ZNF658: variants seen among roughly 807,000 people sequenced by gnomAD.
ZNF658 encodes the protein zinc finger protein 658.
ZNF658 carries 46 observed loss-of-function variants against 78.0 expected under a neutral mutation model. The ratio of observed to expected loss-of-function variants is 0.59; its 90% CI spans 0.47 to 0.75. The LOEUF (loss-of-function observed/expected upper bound fraction) is 0.75. Ranked by LOEUF, ZNF658 falls within the 30% of genes least tolerant of loss-of-function variation. ZNF658 has a pLI of 0.00. For synonymous variants in ZNF658, 279 were observed against 408.4 expected, an observed-to-expected ratio of 0.68 and a Z score of 3.82; for missense variants, 785 against 1,189.3, an observed-to-expected ratio of 0.66 and a Z score of 5.00.
chr9:66,930,006 A>T, intron 6 of ZNF658, among the ~76,000 whole-genome samples: 1 of 116,666 alleles, frequency 8.6e-6, no homozygotes, highest in Non-Finnish European at 1.8e-5. Context: ...CTGGTCTTGA[A>T]CTCCTGACGA....
At chr9:66,922,414 A>G (rs1364786190), downstream of ZNF658, among the ~76,000 whole-genome samples, 4 of 149,166 alleles carry the variant, frequency 2.7e-5, no homozygotes, top group Non-Finnish European at 5.9e-5. Flanking sequence ...GAAATCACTC[A>G]TCTTCTGCGT....
At chr9:66,903,686 C>T (rs1822006154) in intron 2 of ZNF658, 110 bp downstream of exon 2, 1 of 800,700 alleles carries the variant, frequency 1.2e-6, no homozygotes, top group Non-Finnish European at 2.3e-6. Flanking sequence ...AGACACATTC[C>T]TAGAAGATGT....
chr9:66,907,490 C>T (rs557436648), intron 2 of ZNF658, among the ~76,000 whole-genome samples: 50 of 152,038 alleles, frequency 3.3e-4, no homozygotes, highest in South Asian at 1.0e-3. Context: ...GCCCTTGGAC[C>T]AATGCTTCCC....
At chr9:66,924,784 T>A (rs1413977910), downstream of ZNF658, among the ~76,000 whole-genome samples, 1 of 141,082 alleles carries the variant, frequency 7.1e-6, no homozygotes, top group Non-Finnish European at 1.5e-5. Context: ...CTAGCCAGAT[T>A]AATCAGGCAT....
Position 66,920,794 on chromosome 9 carries a change from A to T in ZNF658, c.*48A>T, listed in dbSNP as rs200228060. The T allele has an allele frequency of 0.027, 17,470 of 653,804 alleles. 660 individuals are homozygous for T. Among genetic ancestry groups the T allele is most frequent in the East Asian group, 0.23 (8,625 of 37,602 alleles). The allele number at this position is 653,804 out of a possible 1,614,324, so 40.5% of individuals were successfully genotyped here. A position where few individuals can be genotyped will look rare whatever the true frequency, so the allele number is the denominator to read the frequency against. On this transcript the variant is annotated 3_prime_UTR_variant, in exon 5 of 5. Coordinates refer to ENST00000621410, the MANE Select transcript of ZNF658 (RefSeq NM_033160.7). Reference sequence around the variant, plus strand: ...AACACGTAGTGCAGAAACTCATGTGACATAGGCTGGGAACTTGTTTCCCTT... The same window carrying T: ...AACACGTAGTGCAGAAACTCATGTGTCATAGGCTGGGAACTTGTTTCCCTT...
Position 66,919,724 on chromosome 9 carries a change from G to C in ZNF658, c.2158G>C (p.Glu720Gln), listed in dbSNP as rs750172950. Residue 720 changes from glutamate to glutamine, a missense_variant, in exon 5 of 5, where the codon GAG becomes CAG. Transcript: ENST00000621410. ...GAAACCCTATGAATGTAATGAATGT[G>C]AGAAAACATTTGCCCATAATTCAGC... Reference protein sequence around the residue: ...GEKPYECNECEKTFAHNSALR... With the variant: ...GEKPYECNECQKTFAHNSALR... 29 of 1,612,940 alleles carry C rather than the reference G, an allele frequency of 1.8e-5. No homozygotes were observed. The South Asian group carries it at 3.2e-4, about 18-fold the overall frequency.
intron 6 of ZNF658, chr9:66,931,917 A>C (rs894178765): frequency 6.6e-6 from 1 of 151,770 alleles, no homozygotes; most frequent in African/African-American, 2.4e-5. Flanking sequence ...GCTTGTTTAC[A>C]AAATCACTTA....
chr9:66,902,892 T>C (rs2117933604), intron 1 of ZNF658: 1 of 151,998 alleles, frequency 6.6e-6, no homozygotes, highest in South Asian at 2.1e-4. Flanking sequence ...TTATTTTTTA[T>C]TTTTTTCTAT....
intron 4 of ZNF658, among the ~76,000 whole-genome samples, chr9:66,914,053 A>T (rs1347861272): frequency 6.7e-6 from 1 of 150,364 alleles, no homozygotes; most frequent in African/African-American, 2.5e-5. Flanking sequence ...GAGGTTCATA[A>T]TCTTTACAAA....
intron 3 of ZNF658, 70 bp from the exon 4 acceptor site, chr9:66,908,569 C>T (rs1822135807): frequency 6.6e-7 from 1 of 1,526,140 alleles, no homozygotes; most frequent in Non-Finnish European, 8.8e-7. Flanking sequence ...GCTTTGCTGC[C>T]ATATCTTTTT....
chr9:66,925,801 G>A (rs1363670907), downstream of ZNF658, among the ~76,000 whole-genome samples: 1 of 151,406 alleles, frequency 6.6e-6, no homozygotes, highest in African/African-American at 2.4e-5. Flanking sequence ...GAAAACTACA[G>A]GTCTATGTCC....
chr9:66,922,472 T>G (rs1225700541), downstream of ZNF658, among the ~76,000 whole-genome samples: 2 of 131,730 alleles, frequency 1.5e-5, no homozygotes, highest in Admixed American at 1.6e-4. Flanking sequence ...TTTGGCCATC[T>G]TGGAACCTCC....
rs143209035 is a variant in ZNF658, at chr9:66,919,697, G to A, written c.2131G>A (p.Glu711Lys). 4 of 1,612,888 alleles carry A rather than the reference G, an allele frequency of 2.5e-6. No individual in the cohort carries two copies. The highest frequency in any genetic ancestry group is 2.5e-6 in the Non-Finnish European group (3 of 1,179,952). Residue 711 changes from glutamate (E) to lysine (K), a missense_variant, in exon 5 of 5, where the codon GAG becomes AAG. This residue lies in a region of ZNF658 where 75 missense variants were observed against 147.1 expected (regional missense o/e 0.51). Transcript: ENST00000621410. The part of the protein sequence containing the change: ...LKIHQRIHTG[E>K]KPYECNECEK... ...AATACATCAGAGAATTCACACGGGGGAGAAACCCTATGAATGTAATGAATG... is the reference window on the plus strand; with the variant it reads ...AATACATCAGAGAATTCACACGGGGAAGAAACCCTATGAATGTAATGAATG...
chr9:66,907,851 T>G, intron 2 of ZNF658, among the ~76,000 whole-genome samples: 1 of 152,004 alleles, frequency 6.6e-6, no homozygotes, highest in Non-Finnish European at 1.5e-5. Flanking sequence ...ATATAAAGTT[T>G]GGTCAGGGTA....
intron 2 of ZNF658, among the ~76,000 whole-genome samples, chr9:66,907,742 A>G (rs1822111444): frequency 6.6e-6 from 1 of 152,214 alleles, no homozygotes; most frequent in Non-Finnish European, 1.5e-5. Flanking sequence ...CTATTCTTAC[A>G]TCCATTGCTG....
At chr9:66,903,263 T>C (rs376186882) in intron 1 of ZNF658, 70 of 408,940 alleles carry the variant, frequency 1.7e-4, no homozygotes, top group African/African-American at 7.0e-4. Flanking sequence ...GGTGTGGCTA[T>C]CTTTGAGTGG....
chr9:66,922,481 C>A (rs1822543010), downstream of ZNF658, among the ~76,000 whole-genome samples: 1 of 126,584 alleles, frequency 7.9e-6, no homozygotes, highest in Non-Finnish European at 1.7e-5. Context: ...CTTGGAACCT[C>A]CCCTCATGTA....
At chr9:66,913,950 A>G (rs1351880257) in intron 4 of ZNF658, among the ~76,000 whole-genome samples, 1 of 61,850 alleles carries the variant, frequency 1.6e-5, no homozygotes, top group Admixed American at 2.2e-4. Context: ...GTCTTTCCTT[A>G]TGCCAATACC....
At chr9:66,910,803 TAAA>T (rs546463734) in intron 4 of ZNF658, among the ~76,000 whole-genome samples, 12 of 67,538 alleles carry the variant, frequency 1.8e-4, no homozygotes, top group East Asian at 4.7e-4. Context: ...CCCAAAAAAT[TAAA>T]AAAAAAAAAA....
Sources: gnomAD v4.1 joint callset for allele counts (sites outside exome capture counted in the v4.1 genomes callset) on GRCh38, gnomAD v4.1.1 for gene constraint, gnomAD v4.1.1 regional missense constraint, MANE v1.5 for transcripts, NCBI Gene and HGNC (gene_info 2026-07-23, HGNC 2026-07-21) for gene names.